Variants in PDZRN3 observed in about 807,000 individuals in gnomAD.
PDZRN3 encodes PDZ domain containing ring finger 3.
PDZRN3 carries 38 observed loss-of-function variants against 85.7 expected under a neutral mutation model. That is an observed-to-expected ratio of 0.44 (90% CI 0.34 to 0.58). The LOEUF (loss-of-function observed/expected upper bound fraction) is 0.58. Ranked by LOEUF, PDZRN3 falls within the 20% of genes least tolerant of loss-of-function variation. The probability of loss-of-function intolerance (pLI) is 0.01; values close to 1 mark genes in which losing one functional copy is unlikely to be tolerated. For missense variants in PDZRN3, 1,629 were observed against 1,506.4 expected (o/e 1.08, Z -1.35); for synonymous variants, 759 against 638.0 (o/e 1.19, Z -2.86).
At chr3:73,587,092 T>C (rs1702288912) in intron 3 of PDZRN3, among the ~76,000 whole-genome samples, 1 of 152,228 alleles carries the variant, frequency 6.6e-6, no homozygotes, top group African/African-American at 2.4e-5. Context: ...AGACATCTGC[T>C]GTTAACACGA....
rs759959008 is a variant in PDZRN3, at chr3:73,384,838, C to G, written c.1728G>C (p.Glu576Asp). 6.2e-7 allele frequency: 1 copy of G among 1,614,068 alleles called. No homozygotes were observed. The highest frequency in any genetic ancestry group is 8.5e-7 in the Non-Finnish European group (1 of 1,180,050). Residue 576 changes from glutamate (E) to aspartate (D), a missense_variant, in exon 10 of 10, where the codon GAG becomes GAC. Glu to Asp is a conservative substitution (Grantham distance 45). Coordinates refer to ENST00000263666, the MANE Select transcript of PDZRN3 (RefSeq NM_015009.3). ...EKDSGVGRTDESTRNDESSEQ... is the reference protein window; with the variant it reads ...EKDSGVGRTDDSTRNDESSEQ... ...CCGAGCTCTCGTCATTACGGGTGCT[C>G]TCGTCGGTCCGCCCCACACCGCTGT...
At chr3:73,452,806 C>T (rs1054175442) in intron 3 of PDZRN3, among the ~76,000 whole-genome samples, 15 of 143,266 alleles carry the variant, frequency 1.0e-4, no homozygotes, top group South Asian at 9.0e-4. Flanking sequence ...CATGAGGCAA[C>T]GACTAGTGCC....
chr3:73,556,724 C>A (rs1463210593), intron 3 of PDZRN3: 2 of 152,272 alleles, frequency 1.3e-5, no homozygotes, highest in Admixed American at 6.5e-5. Flanking sequence ...CTGAGCAGCT[C>A]TTTGAAGAAC....
intron 3 of PDZRN3, among the ~76,000 whole-genome samples, chr3:73,427,016 C>G (rs1290408268): frequency 6.6e-6 from 1 of 152,104 alleles, no homozygotes; most frequent in Non-Finnish European, 1.5e-5. Flanking sequence ...TTGGCATATT[C>G]TTTATCACAA....
chr3:73,424,635 C>T (rs951151087), intron 3 of PDZRN3, among the ~76,000 whole-genome samples: 2 of 150,890 alleles, frequency 1.3e-5, no homozygotes, highest in African/African-American at 2.4e-5. Context: ...GGTATCCAGA[C>T]TATGTTTTTC....
At chr3:73,612,877 A>T (rs1702705178) in intron 1 of PDZRN3, among the ~76,000 whole-genome samples, 2 of 152,204 alleles carry the variant, frequency 1.3e-5, no homozygotes, top group Admixed American at 1.3e-4. Flanking sequence ...ATACCCAAAG[A>T]CTGCCTCAGT....
intron 8 of PDZRN3, among the ~76,000 whole-genome samples, 166 bp downstream of exon 8, chr3:73,387,802 G>T (rs1004396208): frequency 5.3e-5 from 8 of 152,216 alleles, no homozygotes; most frequent in African/African-American, 1.9e-4. Context: ...AACCTTAAAT[G>T]GCTAACTCAT....
chr3:73,441,285 T>C (rs1012723050), intron 3 of PDZRN3, among the ~76,000 whole-genome samples: 5 of 151,656 alleles, frequency 3.3e-5, no homozygotes, highest in Admixed American at 6.6e-5. Flanking sequence ...TGGTGGAGCA[T>C]GCCTGTAATC....
chr3:73,434,244 T>C (rs1015846506), intron 3 of PDZRN3, among the ~76,000 whole-genome samples: 2 of 152,224 alleles, frequency 1.3e-5, no homozygotes, highest in African/African-American at 2.4e-5. Flanking sequence ...CTTAGGATAA[T>C]CCCTAATGTG....
At chr3:73,489,566 G>GTTTTTTTTTTTTTTTTTTTTT (rs564491469) in intron 3 of PDZRN3, among the ~76,000 whole-genome samples, 1 of 21,788 alleles carries the variant, frequency 4.6e-5, no homozygotes, top group African/African-American at 1.8e-4. Context: ...CATATGGGCA[G>GTTTTTTTTTTTTTTTTTTTTT]TTTCTTTTCT....
intron 3 of PDZRN3, among the ~76,000 whole-genome samples, chr3:73,563,013 A>ATATATATATATTTT (rs1187151191): frequency 4.6e-5 from 2 of 43,764 alleles, no homozygotes; most frequent in South Asian, 1.1e-3. Context: ...ATATATATAT[A>ATATATATATATTTT]TTTTTTTTTT....
intron 3 of PDZRN3, among the ~76,000 whole-genome samples, chr3:73,488,377 G>T (rs1703705396): frequency 1.3e-5 from 2 of 152,088 alleles, no homozygotes; most frequent in South Asian, 4.1e-4. Flanking sequence ...CTCCTCCCTA[G>T]TCCCCAGGCC....
chr3:73,559,580 T>C (rs1157090629), intron 3 of PDZRN3, among the ~76,000 whole-genome samples: 3 of 152,200 alleles, frequency 2.0e-5, no homozygotes, highest in African/African-American at 4.8e-5. Flanking sequence ...GAGCCTTCAG[T>C]TGATTTGAAG....
At chr3:73,552,670 G>C (rs923809969) in intron 3 of PDZRN3, among the ~76,000 whole-genome samples, 1 of 152,204 alleles carries the variant, frequency 6.6e-6, no homozygotes, top group African/African-American at 2.4e-5. Context: ...TTATGTTAGT[G>C]AATTCTAACT....
chr3:73,388,051 G>C lies in PDZRN3; in HGVS notation c.1435C>G (p.Gln479Glu), dbSNP rs763190543. ...RIIQINGIEV[Q>E]NREEAVALLT... ...AGAGCCACAGCCTCTTCACGGTTCT[G>C]CACCTCTATCCCATTAATCTTTTAA... The change falls in exon 8 of 10, where the codon CAG (glutamine) becomes GAG (glutamate). Residue 479 changes from glutamine to glutamate, a missense_variant. Transcript: ENST00000263666. 4 of 1,171,780 alleles carry C rather than the reference G, an allele frequency of 3.4e-6. No individual in the cohort carries two copies. Among genetic ancestry groups the C allele is most frequent in the Non-Finnish European group, 4.7e-6 (4 of 847,442 alleles). The allele number at this position is 1,171,780 out of a possible 1,614,324, so 72.6% of individuals were successfully genotyped here.
chr3:73,463,206 C>G (rs922858208), intron 3 of PDZRN3, among the ~76,000 whole-genome samples: 1 of 152,204 alleles, frequency 6.6e-6, no homozygotes, highest in Non-Finnish European at 1.5e-5. Flanking sequence ...CAAGGCCCAT[C>G]CTTACTTGGT....
At chr3:73,454,404 A>G (rs982421281) in intron 3 of PDZRN3, among the ~76,000 whole-genome samples, 5 of 152,134 alleles carry the variant, frequency 3.3e-5, no homozygotes, top group East Asian at 3.9e-4. Context: ...GAGCAGGGTG[A>G]GGCCCTGCAA....
Position 73,501,164 on chromosome 3 carries a change from G to A in PDZRN3, c.919-96769C>T, listed in dbSNP as rs1227667495. 5.3e-5 allele frequency among the ~76,000 whole-genome samples: 8 copies of A among 152,024 alleles called. No individual in the cohort carries two copies. In the South Asian group the frequency reaches 6.2e-4, roughly 12 times the overall value. ...ATAATTAATGAACCTGATTCGAGTCGCAAAATCCAAACACATAGCCACAGC... is the reference window on the plus strand; with the variant it reads ...ATAATTAATGAACCTGATTCGAGTCACAAAATCCAAACACATAGCCACAGC... On this transcript the variant is annotated intron_variant, in intron 3 of 9. Transcript: ENST00000263666.
chr3:73,563,682 G>A (rs973625854), intron 3 of PDZRN3, among the ~76,000 whole-genome samples: 11 of 152,090 alleles, frequency 7.2e-5, no homozygotes, highest in Admixed American at 2.0e-4. Flanking sequence ...CATGACTGAC[G>A]CTATATGGCC....
Sources: allele counts gnomAD v4.1 joint callset (sites outside exome capture counted in the v4.1 genomes callset), GRCh38; gene constraint gnomAD v4.1.1; transcripts MANE v1.5; gene names NCBI Gene and HGNC (gene_info 2026-07-23, HGNC 2026-07-21).